FBXL20: variants seen among roughly 807,000 people sequenced by gnomAD.
FBXL20 encodes the protein F-box and leucine rich repeat protein 20.
Under a neutral mutation model 64.0 loss-of-function variants are expected in FBXL20, and 11 were observed. That is an observed-to-expected ratio of 0.17 (90% CI 0.11 to 0.28). FBXL20 has a LOEUF of 0.28. Ranked by LOEUF, FBXL20 falls within the 10% of genes least tolerant of loss-of-function variation. The pLI is 1.00. For synonymous variants in FBXL20, 184 were observed against 189.0 expected (o/e 0.97, Z 0.22); for missense variants, 303 against 526.2 (o/e 0.58, Z 4.15).
intron 1 of FBXL20, among the ~76,000 whole-genome samples, chr17:39,357,104 T>C (rs781005423): frequency 1.8e-4 from 28 of 151,458 alleles, no homozygotes; most frequent in Non-Finnish European, 3.5e-4. Flanking sequence ...AGAAACCTCG[T>C]CTCTACTAAA....
At chr17:39,262,318 G>C (rs1395166791) in intron 14 of FBXL20, among the ~76,000 whole-genome samples, 1 of 152,074 alleles carries the variant, frequency 6.6e-6, no homozygotes, top group Non-Finnish European at 1.5e-5. Flanking sequence ...GTTTCATCTT[G>C]TTGCCCAGGC....
chr17:39,393,243 C>A (rs182467457), intron 1 of FBXL20, among the ~76,000 whole-genome samples: 2 of 151,924 alleles, frequency 1.3e-5, no homozygotes, highest in African/African-American at 2.4e-5. Context: ...GAGCTCAGAT[C>A]GCGCCATTGC....
chr17:39,293,550 A>C (rs1046027160), intron 6 of FBXL20, among the ~76,000 whole-genome samples: 3 of 152,150 alleles, frequency 2.0e-5, no homozygotes, highest in Non-Finnish European at 4.4e-5. Flanking sequence ...TAAATAAAAA[A>C]ATAAAATATT....
chr17:39,330,733 T>C (rs2047452478), intron 2 of FBXL20, among the ~76,000 whole-genome samples: 1 of 152,176 alleles, frequency 6.6e-6, no homozygotes. Context: ...CAATGTACTC[T>C]AGAGAGTGTT....
In FBXL20 at chr17:39,260,116, G is replaced by A. The variant is rs899620971; in HGVS notation, c.*1344C>T. On this transcript the variant is annotated 3_prime_UTR_variant, in exon 15 of 15. Coordinates refer to ENST00000264658, the MANE Select transcript of FBXL20 (RefSeq NM_032875.3). ...AACACTGACATACAATTGACCAGCT[G>A]TTATAGAGCCATTCTTGTATCCCTG... is the stretch of plus-strand genomic sequence containing the variant. 5 of 151,728 alleles carry A rather than the reference G, an allele frequency of 3.3e-5. No homozygotes were observed. The highest frequency in any genetic ancestry group is 7.4e-5 in the Non-Finnish European group (5 of 68,010). 9.4% of individuals were successfully genotyped at this position (151,728 alleles called of 1,614,324 possible).
intron 2 of FBXL20, among the ~76,000 whole-genome samples, chr17:39,333,060 C>T (rs2047478027): frequency 6.6e-6 from 1 of 152,078 alleles, no homozygotes. Flanking sequence ...GCCTCAGCCT[C>T]CCAAGTAGCT....
chr17:39,283,455 A>G (rs1285873882), intron 7 of FBXL20, among the ~76,000 whole-genome samples: 4 of 150,172 alleles, frequency 2.7e-5, no homozygotes, highest in African/African-American at 9.8e-5. Flanking sequence ...TTTTTTTTTG[A>G]GACAGGGTCT....
intron 1 of FBXL20, among the ~76,000 whole-genome samples, chr17:39,380,415 C>T (rs1430637806): frequency 6.6e-6 from 1 of 152,168 alleles, no homozygotes; most frequent in African/African-American, 2.4e-5. Context: ...AGTAACCTAC[C>T]ACTGTTCTTA....
chr17:39,278,318 G>A (rs1314823542), intron 9 of FBXL20, among the ~76,000 whole-genome samples: 1 of 151,898 alleles, frequency 6.6e-6, no homozygotes, highest in Non-Finnish European at 1.5e-5. Flanking sequence ...GATGGTTTTT[G>A]TATTTTTAGT....
At chr17:39,272,174 C>T (rs1052673835) in intron 10 of FBXL20, among the ~76,000 whole-genome samples, 1 of 152,012 alleles carries the variant, frequency 6.6e-6, no homozygotes, top group South Asian at 2.1e-4. Context: ...ATCACGAGGT[C>T]AGGAGATCGA....
chr17:39,382,662 C>T (rs1163302674), intron 1 of FBXL20, among the ~76,000 whole-genome samples: 1 of 151,782 alleles, frequency 6.6e-6, no homozygotes, highest in Non-Finnish European at 1.5e-5. Flanking sequence ...GGAGAGCCCA[C>T]TGCTACAATT....
chr17:39,263,224 GT>G (rs1334263932), intron 14 of FBXL20, among the ~76,000 whole-genome samples: 1 of 150,958 alleles, frequency 6.6e-6, no homozygotes, highest in Non-Finnish European at 1.5e-5. Flanking sequence ...CCACAAAATA[GT>G]TTTTTAAGGC....
intron 2 of FBXL20, among the ~76,000 whole-genome samples, chr17:39,325,661 TGTA>T (rs1329170749): frequency 2.0e-5 from 3 of 152,074 alleles, no homozygotes; most frequent in Non-Finnish European, 2.9e-5. Context: ...CATTGTAAAT[TGTA>T]GAGAGATCCA....
intron 1 of FBXL20, among the ~76,000 whole-genome samples, chr17:39,370,708 T>C (rs1259331387): frequency 6.9e-6 from 1 of 144,754 alleles, no homozygotes; most frequent in East Asian, 2.0e-4. Flanking sequence ...GGCAGGAGAA[T>C]GGCGTGAACC....
chr17:39,354,413 C>T (rs1045418706), intron 1 of FBXL20, among the ~76,000 whole-genome samples: 5 of 152,148 alleles, frequency 3.3e-5, no homozygotes, highest in African/African-American at 1.2e-4. Context: ...TTCTCAATCT[C>T]GTTAACTGGA....
intron 9 of FBXL20, among the ~76,000 whole-genome samples, chr17:39,278,228 A>G (rs996107808): frequency 1.3e-5 from 2 of 151,482 alleles, no homozygotes; most frequent in Non-Finnish European, 1.5e-5. Flanking sequence ...TCACCGCTAC[A>G]TCTGCCTCCC....
Position 39,341,433 on chromosome 17 carries a change from C to T in FBXL20, c.104+1747G>A, listed in dbSNP as rs540542902. 3.5e-4 allele frequency among the ~76,000 whole-genome samples: 54 copies of T among 152,264 alleles called. 1 individual carries two copies. Among genetic ancestry groups the T allele is most frequent in the Admixed American group, 3.3e-3 (51 of 15,278 alleles). On this transcript the variant is annotated intron_variant, in intron 2 of 14. Coordinates refer to ENST00000264658, the MANE Select transcript of FBXL20 (RefSeq NM_032875.3). The stretch of plus-strand genomic sequence containing the variant: ...CCTCCAGTGTCCCAACTTGAGAAAA[C>T]AGTCACATATCTTCTTTCAGATGAG...
At chr17:39,381,015 C>T (rs1385437886) in intron 1 of FBXL20, among the ~76,000 whole-genome samples, 2 of 151,978 alleles carry the variant, frequency 1.3e-5, no homozygotes, top group African/African-American at 2.4e-5. Context: ...CAAAAACTAG[C>T]AGGGCGTGGT....
intron 2 of FBXL20, among the ~76,000 whole-genome samples, chr17:39,307,057 T>G (rs919997921): frequency 2.6e-5 from 4 of 152,176 alleles, no homozygotes; most frequent in African/African-American, 9.7e-5. Flanking sequence ...GGGAAACATC[T>G]AGTTAAAATG....
Sources: allele counts gnomAD v4.1 joint callset (sites outside exome capture counted in the v4.1 genomes callset), GRCh38; gene constraint gnomAD v4.1.1; transcripts MANE v1.5; gene names NCBI Gene and HGNC (gene_info 2026-07-23, HGNC 2026-07-21).